The following IL15 variants were observed in gnomAD, a reference collection of about 807,000 sequenced individuals.
The protein encoded by IL15 is interleukin-15.
IL15 carries 11 observed loss-of-function variants against 19.6 expected under a neutral mutation model. The observed-to-expected ratio is 0.56, with a 90% confidence interval of 0.35 to 0.93. IL15 has a LOEUF of 0.93. IL15 is among the 40% of genes least tolerant of loss of function. IL15 has a pLI of 0.01. For missense variants in IL15, 197 were observed against 186.5 expected, an observed-to-expected ratio of 1.06 and a Z score of -0.33; for synonymous variants, 58 against 59.6, an observed-to-expected ratio of 0.97 and a Z score of 0.12.
rs908512418 is a variant in IL15 at position 141,719,568 on chromosome 4, C to T, written c.12+92C>T. ...CTTTGCAATAAGTTACATGGTTATT[C>T]TCCAAAGATCTTGAGATATCACAGA... On this transcript the variant is annotated intron_variant, in intron 3 of 7. Coordinates refer to ENST00000320650, the MANE Select transcript of IL15 (RefSeq NM_000585.5). The T allele has an allele frequency of 6.9e-6, 7 of 1,007,750 alleles. No homozygotes were observed. In the African/African-American group the frequency reaches 8.2e-5, roughly 12 times the overall value. The allele number at this position is 1,007,750 out of a possible 1,614,324, so 62.4% of individuals were successfully genotyped here. A position where few individuals can be genotyped will look rare whatever the true frequency, so the allele number is the denominator to read the frequency against.
intron 2 of IL15, among the ~76,000 whole-genome samples, chr4:141,693,333 C>T (rs1010807295): frequency 2.0e-5 from 3 of 152,056 alleles, no homozygotes; most frequent in Non-Finnish European, 2.9e-5. Context: ...CATTACAGTT[C>T]GAGATGAAAT....
chr4:141,681,605 T>C (rs1313216055), intron 2 of IL15, among the ~76,000 whole-genome samples: 1 of 152,148 alleles, frequency 6.6e-6, no homozygotes, highest in Admixed American at 6.5e-5. Context: ...TGACAGTGGG[T>C]ACCTGAGGGA....
chr4:141,725,226 C>A (rs912353967), intron 5 of IL15, among the ~76,000 whole-genome samples: 6 of 152,120 alleles, frequency 3.9e-5, no homozygotes, highest in African/African-American at 1.4e-4. Context: ...TAAAATGCAA[C>A]ACCTCTCATG....
At chr4:141,666,702 A>G (rs1440766738) in intron 2 of IL15, among the ~76,000 whole-genome samples, 2 of 151,352 alleles carry the variant, frequency 1.3e-5, no homozygotes, top group Non-Finnish European at 2.9e-5. Context: ...AAGGAAGGCC[A>G]TAGAAACTAA....
intron 5 of IL15, among the ~76,000 whole-genome samples, chr4:141,726,757 A>C (rs747412608): frequency 2.6e-5 from 4 of 152,188 alleles, no homozygotes; most frequent in African/African-American, 4.8e-5. Context: ...ATAAAAAGGA[A>C]CAAACTAGTG....
At chr4:141,648,650 C>T (rs577587892) in intron 1 of IL15, among the ~76,000 whole-genome samples, 4 of 152,078 alleles carry the variant, frequency 2.6e-5, no homozygotes, top group African/African-American at 9.6e-5. Flanking sequence ...AGATTAAAAT[C>T]TGTATTTGGT....
At chr4:141,691,341 C>T (rs535962220) in intron 2 of IL15, among the ~76,000 whole-genome samples, 3 of 152,164 alleles carry the variant, frequency 2.0e-5, no homozygotes, top group African/African-American at 7.2e-5. Flanking sequence ...ATCATTCTGC[C>T]CATAGCACTG....
At chr4:141,681,924 T>A (rs1728547904) in intron 2 of IL15, among the ~76,000 whole-genome samples, 1 of 152,196 alleles carries the variant, frequency 6.6e-6, no homozygotes, top group African/African-American at 2.4e-5. Flanking sequence ...AAAGAATCAT[T>A]ATTTTCTTTC....
intron 2 of IL15, among the ~76,000 whole-genome samples, chr4:141,672,142 T>G (rs1728195640): frequency 6.6e-6 from 1 of 152,200 alleles, no homozygotes; most frequent in African/African-American, 2.4e-5. Context: ...CAAAGAAATA[T>G]TGCAGCAACT....
At chr4:141,678,460 A>G (rs1206940931) in intron 2 of IL15, among the ~76,000 whole-genome samples, 1 of 152,070 alleles carries the variant, frequency 6.6e-6, no homozygotes, top group East Asian at 1.9e-4. Context: ...GAACTGCAAA[A>G]GATAACAAAG....
At chr4:141,643,274 A>G (rs912031666) in intron 1 of IL15, among the ~76,000 whole-genome samples, 6 of 152,034 alleles carry the variant, frequency 3.9e-5, no homozygotes, top group Non-Finnish European at 7.4e-5. Context: ...AACTTCTGCC[A>G]TTTTTAAAAA....
intron 1 of IL15, among the ~76,000 whole-genome samples, chr4:141,649,782 T>A (rs1364838779): frequency 6.6e-6 from 1 of 152,090 alleles, no homozygotes; most frequent in African/African-American, 2.4e-5. Flanking sequence ...ATTGTCTGGA[T>A]GGCTCAACAT....
intron 2 of IL15, among the ~76,000 whole-genome samples, chr4:141,714,009 C>G (rs572057992): frequency 9.9e-5 from 15 of 152,056 alleles, no homozygotes; most frequent in Non-Finnish European, 1.5e-4. Context: ...CAACATTGAT[C>G]CTTCAAAAGG....
chr4:141,689,645 C>T (rs1208947541), intron 2 of IL15, among the ~76,000 whole-genome samples: 2 of 151,846 alleles, frequency 1.3e-5, no homozygotes, highest in Admixed American at 6.6e-5. Context: ...TTGGTGCATT[C>T]ACAAACACTG....
intron 1 of IL15, among the ~76,000 whole-genome samples, chr4:141,640,333 G>A (rs1727001192): frequency 6.6e-6 from 1 of 151,876 alleles, no homozygotes; most frequent in Admixed American, 6.6e-5. Context: ...GACATGCAGA[G>A]TTTTGCTTGC....
Position 141,689,928 on chromosome 4 carries a change from C to T in IL15, c.-99-29438C>T, listed in dbSNP as rs1042589970. ...CAGGGGGCGGTGCTCATCGGGGAGG[C>T]TCGGGCCTCACAGGAGCCCATGGAG... On this transcript the variant is annotated intron_variant, in intron 2 of 7. Coordinates refer to ENST00000320650, the MANE Select transcript of IL15 (RefSeq NM_000585.5). 9.2e-5 allele frequency among the ~76,000 whole-genome samples: 14 copies of T among 152,166 alleles called. 1 individual carries two copies. In the Middle Eastern group the frequency reaches 9.5e-3, roughly 103 times the overall value.
intron 2 of IL15, among the ~76,000 whole-genome samples, chr4:141,693,016 CAAAAAAAAAAAA>C (rs70949131): frequency 2.6e-4 from 6 of 23,232 alleles, no homozygotes; most frequent in East Asian, 1.5e-3. Flanking sequence ...GACTCCGTCT[CAAAAAAAAAAAA>C]AAAAAAAAAA....
intron 2 of IL15, among the ~76,000 whole-genome samples, chr4:141,694,213 T>C (rs1202203427): frequency 6.6e-6 from 1 of 152,150 alleles, no homozygotes; most frequent in African/African-American, 2.4e-5. Context: ...AATAAGCAAG[T>C]GATCATCCAC....
intron 2 of IL15, among the ~76,000 whole-genome samples, chr4:141,673,945 AG>A (rs1252355983): frequency 1.3e-5 from 2 of 152,194 alleles, no homozygotes; most frequent in Non-Finnish European, 2.9e-5. Context: ...AAACAATGTA[AG>A]CAAATTGAAC....
Sources: gnomAD v4.1 joint callset for allele counts (sites outside exome capture counted in the v4.1 genomes callset) on GRCh38, gnomAD v4.1.1 for gene constraint, MANE v1.5 for transcripts, NCBI Gene and HGNC (gene_info 2026-07-23, HGNC 2026-07-21) for gene names.